Variants in DNAH5 observed in about 807,000 individuals in gnomAD.
DNAH5 encodes dynein axonemal heavy chain 5.
In DNAH5, 372 loss-of-function variants were observed where a neutral mutation model predicts 518.2. The observed-to-expected ratio is 0.72, with a 90% CI of 0.66 to 0.78. The LOEUF (loss-of-function observed/expected upper bound fraction) is 0.78, where lower values mean the gene tolerates loss of function less well. Ranked by LOEUF, DNAH5 falls within the 30% of genes least tolerant of loss-of-function variation. DNAH5 has a pLI of 0.00. For missense variants in DNAH5, 5,523 were observed against 5,687.0 expected (o/e 0.97, Z 0.93); for synonymous variants, 2,039 against 2,025.9 (o/e 1.01, Z -0.17).
chr5:13,867,794 A>T lies in DNAH5; in HGVS notation c.4033T>A (p.Phe1345Ile). The part of the protein sequence containing the change: ...VEVFLQDCHQ[F>I]YLDYDLNGPM... The stretch of plus-strand genomic sequence containing the variant: ...CATACCAAATCATAGTCCAGATAAA[A>T]CTGGTGACAATCTTGGAGGAATACC... The change falls in exon 25 of 79, where the codon TTT becomes ATT. Residue 1345 changes from phenylalanine to isoleucine, a missense_variant. Phe to Ile is a conservative substitution (Grantham distance 21, BLOSUM62 0). This residue lies in a region of DNAH5 where 5,121 missense variants were observed against 5,223.3 expected (regional missense o/e 0.98). Transcript: ENST00000265104. 2 of 1,613,848 alleles carry T rather than the reference A, an allele frequency of 1.2e-6. No homozygotes were observed. The highest frequency in any genetic ancestry group is 1.7e-6 in the Non-Finnish European group (2 of 1,179,838).
rs11744581 is a variant in DNAH5 at position 13,916,908 on chromosome 5, A to G, written c.1089+235T>C. Among the ~76,000 whole-genome samples, 66,448 of 151,914 alleles carry G rather than the reference A, an allele frequency of 0.44. 15,365 individuals are homozygous for G. The highest frequency in any genetic ancestry group is 0.85 in the East Asian group (4,412 of 5,178). ...TGCAATAAATGTTTTAAAATATAACATCTCATATACATCTTCAATAGATAG... is the reference window on the plus strand; with the variant it reads ...TGCAATAAATGTTTTAAAATATAACGTCTCATATACATCTTCAATAGATAG... On this transcript the variant is annotated intron_variant, in intron 8 of 78. Transcript: ENST00000265104.
intron 10 of DNAH5, among the ~76,000 whole-genome samples, chr5:13,914,234 C>G (rs1055056164): frequency 6.6e-6 from 1 of 152,086 alleles, no homozygotes; most frequent in African/African-American, 2.4e-5. Flanking sequence ...TTCTATGACT[C>G]TCTCTCCATT....
chr5:13,733,502 C>A (rs1025355334), intron 68 of DNAH5, among the ~76,000 whole-genome samples: 1 of 152,114 alleles, frequency 6.6e-6, no homozygotes, highest in African/African-American at 2.4e-5. Context: ...GAAGGCAGCT[C>A]TTACATCTAC....
intron 15 of DNAH5, among the ~76,000 whole-genome samples, chr5:13,895,980 C>G (rs998079255): frequency 6.6e-6 from 1 of 151,934 alleles, no homozygotes; most frequent in African/African-American, 2.4e-5. Flanking sequence ...GCTGTCTAAA[C>G]TGTACCTAGA....
In DNAH5 at chr5:13,830,172, TA is replaced by T. The variant is rs1342476049; in HGVS notation, c.6102del (p.Phe2034LeufsTer20). On this transcript the variant is annotated frameshift_variant, in exon 37 of 79. Transcript: ENST00000265104. LOFTEE classifies it high-confidence loss of function. ...QSGSWGCFDE[F>X]NRIDLPVLSV... ...GAGAGAACTGGTAGATCAATACGGT[TA>T]AATTCATCAAAACAACCCCAGGATC... The T allele has an allele frequency of 1.2e-6, 2 of 1,614,014 alleles. No individual in the cohort carries two copies. The highest frequency in any genetic ancestry group is 2.2e-5 in the South Asian group (2 of 91,032).
In DNAH5 at chr5:13,899,011, A is replaced by C. The variant is rs144465624; in HGVS notation, c.2259+1195T>G. ...CAGTGGTGCAATCTCAGCTCACTGCAACCTCCATCTCTAGGTTCAAGAGAT... is the reference window on the plus strand; with the variant it reads ...CAGTGGTGCAATCTCAGCTCACTGCCACCTCCATCTCTAGGTTCAAGAGAT... On this transcript the variant is annotated intron_variant, in intron 15 of 78. Transcript: ENST00000265104. 5.0e-3 allele frequency: 792 copies of C among 158,624 alleles called. 4 individuals are homozygous for C. Among genetic ancestry groups the C allele is most frequent in the African/African-American group, 0.018 (754 of 41,850 alleles). The allele number at this position is 158,624 out of a possible 1,614,324, so 9.8% of individuals were successfully genotyped here.
At position 13,914,590 on chromosome 5, in the gene DNAH5, G is replaced by A. The variant is rs149202369; in HGVS notation, c.1250C>T (p.Thr417Ile). The part of the protein sequence containing the change: ...ACKAYITNNG[T>I]ASIWNQPQDV... ...CTGTGGCTGGTTCCAGATGGAAGCG[G>A]TTCCATTATTGGTAATATAGGCTTT... The change falls in exon 10 of 79, where the codon ACC becomes ATC. Residue 417 changes from threonine to isoleucine, a missense_variant. Physicochemically the swap from Thr to Ile is moderately conservative, Grantham distance 89. This residue lies in a region of DNAH5 where 5,121 missense variants were observed against 5,223.3 expected (regional missense o/e 0.98). Coordinates refer to ENST00000265104, the MANE Select transcript of DNAH5 (RefSeq NM_001369.3). 4 of 1,613,036 alleles carry A rather than the reference G, an allele frequency of 2.5e-6. No individual in the cohort carries two copies. Among genetic ancestry groups the A allele is most frequent in the Middle Eastern group, 1.7e-4 (1 of 6,038 alleles).
chr5:13,910,775 G>T (rs1001462565), intron 12 of DNAH5, among the ~76,000 whole-genome samples: 1 of 152,166 alleles, frequency 6.6e-6, no homozygotes, highest in Non-Finnish European at 1.5e-5. Flanking sequence ...GAACTGGCTA[G>T]CCCAACCCCT....
chr5:13,845,476 A>G (rs1765857552), intron 31 of DNAH5, among the ~76,000 whole-genome samples: 1 of 151,976 alleles, frequency 6.6e-6, no homozygotes, highest in South Asian at 2.1e-4. Flanking sequence ...TTCGTCATCC[A>G]AGCAGAAGCA....
At chr5:13,708,964 A>G (rs1743154557) in intron 75 of DNAH5, among the ~76,000 whole-genome samples, 2 of 152,220 alleles carry the variant, frequency 1.3e-5, no homozygotes, top group African/African-American at 4.8e-5. Flanking sequence ...TGTAGTTATC[A>G]TTCTATTTTT....
chr5:13,812,489 C>T (rs1056573688), intron 43 of DNAH5, among the ~76,000 whole-genome samples: 5 of 151,956 alleles, frequency 3.3e-5, no homozygotes, highest in Admixed American at 6.6e-5. Flanking sequence ...TAATTTTTGT[C>T]GAGACAGGGT....
At chr5:13,979,705 G>A (rs760544507) in intron 1 of DNAH5, among the ~76,000 whole-genome samples, 5 of 152,102 alleles carry the variant, frequency 3.3e-5, no homozygotes, top group Admixed American at 6.6e-5. Context: ...AGAACTTCAC[G>A]TGGCTAAAGC....
chr5:13,774,566 T>C lies in DNAH5; in HGVS notation c.9373+1873A>G, dbSNP rs1357425690. Among the ~76,000 whole-genome samples the C allele has an allele frequency of 2.0e-5, 3 of 152,272 alleles. No individual in the cohort carries two copies. The East Asian group carries it at 5.8e-4, about 29-fold the overall frequency. Reference sequence around the variant, plus strand: ...AGTACAGAATTCAGTCTGTCTTGTGTCTGTTGACAAGTCTGTCTTGTCTTG... The same window carrying C: ...AGTACAGAATTCAGTCTGTCTTGTGCCTGTTGACAAGTCTGTCTTGTCTTG... On this transcript the variant is annotated intron_variant, in intron 55 of 78. Transcript: ENST00000265104.
At chr5:14,003,360 C>T (rs1051250019) in intron 1 of DNAH5, among the ~76,000 whole-genome samples, 7 of 152,046 alleles carry the variant, frequency 4.6e-5, no homozygotes, top group African/African-American at 1.5e-4. Context: ...ATTTTTCATC[C>T]TATATTGATT....
intron 1 of DNAH5, among the ~76,000 whole-genome samples, chr5:13,977,357 G>GT (rs2152063109): frequency 6.6e-6 from 1 of 152,224 alleles, no homozygotes; most frequent in African/African-American, 2.4e-5. Flanking sequence ...TGTCTCTCCC[G>GT]TCTCTGTCCC....
rs1648859064 is a variant in DNAH5, at chr5:13,811,698, G to A, written c.7356C>T (p.Ala2452=). ...NLEYKMEVLE[A]FVITQSINML... ...TGTTAATGCTCTGTGTGATGACAAAGGCCTCCAGCACCTCCATCTTGTATT... is the reference window on the plus strand; with the variant it reads ...TGTTAATGCTCTGTGTGATGACAAAAGCCTCCAGCACCTCCATCTTGTATT... The change falls in exon 44 of 79, where the codon GCC becomes GCT. Residue 2452 remains alanine, a synonymous_variant. Coordinates refer to ENST00000265104, the MANE Select transcript of DNAH5 (RefSeq NM_001369.3). 2.5e-6 allele frequency: 4 copies of A among 1,614,148 alleles called. No homozygotes were observed. Among genetic ancestry groups the A allele is most frequent in the Non-Finnish European group, 3.4e-6 (4 of 1,180,030 alleles).
At chr5:13,715,139 CAG>C (rs1014766114) in intron 74 of DNAH5, among the ~76,000 whole-genome samples, 10 of 152,070 alleles carry the variant, frequency 6.6e-5, no homozygotes, top group African/African-American at 2.4e-4. Context: ...GAGAGAAAAA[CAG>C]AGACAGAGAT....
chr5:13,846,226 C>G (rs1166579329), intron 31 of DNAH5, among the ~76,000 whole-genome samples: 6 of 152,140 alleles, frequency 3.9e-5, no homozygotes, highest in South Asian at 2.1e-4. Flanking sequence ...ACAGATTATT[C>G]CACACCCAGG....
At chr5:13,992,689 T>C (rs1199120428) in intron 1 of DNAH5, among the ~76,000 whole-genome samples, 2 of 152,222 alleles carry the variant, frequency 1.3e-5, no homozygotes, top group African/African-American at 4.8e-5. Flanking sequence ...AACTATCGAG[T>C]GATCGGTATT....
Sources: gnomAD v4.1 joint callset for allele counts (sites outside exome capture counted in the v4.1 genomes callset) on GRCh38, gnomAD v4.1.1 for gene constraint, gnomAD v4.1.1 regional missense constraint, MANE v1.5 for transcripts, NCBI Gene and HGNC (gene_info 2026-07-23, HGNC 2026-07-21) for gene names.